Variants in CSMD3 observed in about 807,000 individuals in gnomAD.
CSMD3 encodes CUB and Sushi multiple domains 3, also known as CUB and sushi domain-containing protein 3.
Under a neutral mutation model 435.2 loss-of-function variants are expected in CSMD3, and 177 were observed. The ratio of observed to expected loss-of-function variants is 0.41; its 90% CI spans 0.36 to 0.46. The LOEUF (loss-of-function observed/expected upper bound fraction) is 0.46, where lower values mean the gene tolerates loss of function less well. CSMD3 is among the 20% of genes least tolerant of loss of function. The probability of loss-of-function intolerance (pLI) is 0.34; values close to 1 mark genes in which losing one functional copy is unlikely to be tolerated. For missense variants in CSMD3, 4,265 were observed against 4,504.6 expected, an observed-to-expected ratio of 0.95 and a Z score of 1.52; for synonymous variants, 1,656 against 1,520.5, an observed-to-expected ratio of 1.09 and a Z score of -2.07.
chr8:112,483,419 A>C (rs965197125), intron 31 of CSMD3, among the ~76,000 whole-genome samples: 1 of 152,104 alleles, frequency 6.6e-6, no homozygotes, highest in Non-Finnish European at 1.5e-5. Flanking sequence ...GGAGGCAGAG[A>C]TTCCAGTGAG....
chr8:112,601,939 T>C (rs1485337704), intron 22 of CSMD3, among the ~76,000 whole-genome samples: 1 of 152,212 alleles, frequency 6.6e-6, no homozygotes, highest in African/African-American at 2.4e-5. Flanking sequence ...TATTTATAGA[T>C]TGAAATACAA....
chr8:112,522,160 C>T (rs1652008307), intron 27 of CSMD3, among the ~76,000 whole-genome samples: 1 of 151,736 alleles, frequency 6.6e-6, no homozygotes, highest in Non-Finnish European at 1.5e-5. Context: ...AGAACTGTTT[C>T]TATTCCACTA....
chr8:113,060,961 C>A (rs571509066), intron 5 of CSMD3, among the ~76,000 whole-genome samples: 6 of 152,252 alleles, frequency 3.9e-5, no homozygotes, highest in Admixed American at 1.3e-4. Context: ...ATCTCTATTT[C>A]TTTTCTATAC....
intron 1 of CSMD3, 64 bp from the exon 2 acceptor site, chr8:113,314,857 T>G: frequency 8.8e-7 from 1 of 1,136,912 alleles, no homozygotes; most frequent in South Asian, 1.3e-5. Flanking sequence ...CATGAGATAA[T>G]ATTATTTTGA....
intron 4 of CSMD3, among the ~76,000 whole-genome samples, chr8:113,125,527 C>T (rs902666110): frequency 2.0e-5 from 3 of 151,560 alleles, no homozygotes; most frequent in African/African-American, 7.3e-5. Flanking sequence ...GGAGACAAGA[C>T]AGGGAGTGAG....
intron 36 of CSMD3, among the ~76,000 whole-genome samples, chr8:112,388,889 A>G (rs1830182010): frequency 6.6e-6 from 1 of 152,192 alleles, no homozygotes; most frequent in Non-Finnish European, 1.5e-5. Context: ...CATAAACACT[A>G]ATATTTGAAC....
At chr8:112,617,422 T>A (rs7463631) in intron 22 of CSMD3, among the ~76,000 whole-genome samples, 48,137 of 152,042 alleles carry the variant, frequency 0.32, 7,786 homozygotes, top group South Asian at 0.42. Context: ...AAAATCTTTG[T>A]AATTTGGGGT....
At chr8:112,225,940 T>C (rs1231724167) in intron 70 of CSMD3, among the ~76,000 whole-genome samples, 2 of 152,182 alleles carry the variant, frequency 1.3e-5, no homozygotes, top group Non-Finnish European at 2.9e-5. Flanking sequence ...CTCACATTTG[T>C]AATGGAAAAA....
intron 10 of CSMD3, among the ~76,000 whole-genome samples, chr8:112,880,674 T>C (rs1157353900): frequency 1.3e-5 from 2 of 152,014 alleles, no homozygotes; most frequent in African/African-American, 2.4e-5. Flanking sequence ...TGTAAATAAA[T>C]GCCTATTCAA....
intron 2 of CSMD3, among the ~76,000 whole-genome samples, chr8:113,306,290 A>T (rs888568918): frequency 6.6e-6 from 1 of 152,172 alleles, no homozygotes; most frequent in African/African-American, 2.4e-5. Context: ...GAGAATCAGT[A>T]CACAAGGGTT....
intron 38 of CSMD3, among the ~76,000 whole-genome samples, chr8:112,368,846 A>G (rs1828039957): frequency 6.6e-6 from 1 of 152,192 alleles, no homozygotes; most frequent in South Asian, 2.1e-4. Flanking sequence ...AAATAGGGTT[A>G]AAAATGTATC....
chr8:113,237,718 CA>C (rs2093165965), intron 3 of CSMD3, among the ~76,000 whole-genome samples: 1 of 152,160 alleles, frequency 6.6e-6, no homozygotes, highest in African/African-American at 2.4e-5. Flanking sequence ...TTCTAAGTGT[CA>C]GAGTAAACAT....
intron 11 of CSMD3, among the ~76,000 whole-genome samples, chr8:112,847,640 G>A (rs939724001): frequency 2.0e-5 from 3 of 152,128 alleles, no homozygotes; most frequent in African/African-American, 7.2e-5. Flanking sequence ...GCAGAAAAGT[G>A]ACTCTCTATG....
chr8:113,295,391 T>C (rs2093713238), intron 2 of CSMD3, among the ~76,000 whole-genome samples: 1 of 152,016 alleles, frequency 6.6e-6, no homozygotes, highest in Non-Finnish European at 1.5e-5. Flanking sequence ...ACATATAATA[T>C]GAAGGTGAAG....
At chr8:112,591,267 T>C (rs1831168738) in intron 22 of CSMD3, among the ~76,000 whole-genome samples, 2 of 152,110 alleles carry the variant, frequency 1.3e-5, no homozygotes, top group South Asian at 4.1e-4. Flanking sequence ...ATGAAAATAA[T>C]ATGATGATAA....
intron 61 of CSMD3, among the ~76,000 whole-genome samples, chr8:112,256,085 A>T (rs967998238): frequency 7.2e-5 from 11 of 152,164 alleles, no homozygotes; most frequent in African/African-American, 2.7e-4. Context: ...CTTTCTAAAA[A>T]TTTTGATTAG....
chr8:113,162,430 T>A (rs1169534137), intron 4 of CSMD3, among the ~76,000 whole-genome samples: 1 of 151,846 alleles, frequency 6.6e-6, no homozygotes, highest in East Asian at 1.9e-4. Context: ...CTGTGCATGG[T>A]GGCAGGCACC....
intron 31 of CSMD3, among the ~76,000 whole-genome samples, chr8:112,487,810 C>A (rs1442851415): frequency 6.6e-6 from 1 of 152,010 alleles, no homozygotes. Flanking sequence ...GAATCTGTCA[C>A]TATTTTTGTT....
chr8:112,975,693 T>C, intron 7 of CSMD3, 144 bp downstream of exon 7: 2 of 1,214,206 alleles, frequency 1.6e-6, no homozygotes, highest in South Asian at 1.4e-5. Context: ...TGGTTGTTAC[T>C]ATCCATATTT....
Sources: gnomAD v4.1 joint callset for allele counts (sites outside exome capture counted in the v4.1 genomes callset) on GRCh38, gnomAD v4.1.1 for gene constraint, MANE v1.5 for transcripts, NCBI Gene and HGNC (gene_info 2026-07-23, HGNC 2026-07-21) for gene names.